KCNAB1: variants seen among roughly 807,000 people sequenced by gnomAD.
The protein encoded by KCNAB1 is potassium voltage-gated channel subfamily A regulatory beta subunit 1.
KCNAB1 carries 35 observed loss-of-function variants against 64.6 expected under a neutral mutation model. The observed-to-expected ratio is 0.54, with a 90% CI of 0.41 to 0.72. The LOEUF (loss-of-function observed/expected upper bound fraction) is 0.72. KCNAB1 is among the 30% of genes least tolerant of loss of function. The pLI, the probability that KCNAB1 is intolerant of heterozygous loss-of-function variation, is 0.00. For missense variants in KCNAB1, 401 were observed against 512.9 expected (o/e 0.78, Z 2.11); for synonymous variants, 177 against 183.8 (o/e 0.96, Z 0.30).
At chr3:156,322,157 G>A (rs1482802836) in intron 1 of KCNAB1, among the ~76,000 whole-genome samples, 1 of 152,152 alleles carries the variant, frequency 6.6e-6, no homozygotes, top group African/African-American at 2.4e-5. Context: ...AACACAAAGG[G>A]CAGATTCTCC....
chr3:156,502,532 CCACACACACACACACACACACACA>C (rs60469602), intron 8 of KCNAB1, among the ~76,000 whole-genome samples: 1 of 142,810 alleles, frequency 7.0e-6, no homozygotes, highest in African/African-American at 2.6e-5. Context: ...TACCTTACAA[CCACACACACACACACACACACACA>C]CACACACACA....
In KCNAB1 at chr3:156,537,051, A is replaced by C; in HGVS notation, c.*304A>C. On this transcript the variant is annotated 3_prime_UTR_variant, in exon 14 of 14. Transcript: ENST00000490337. ...GGCCAGGGGGTGTGGTACTACCTTC[A>C]GGCATTTGGTAACTCAAAGAAGGCT... The C allele has an allele frequency of 2.3e-6, 1 of 436,634 alleles. No homozygotes were observed. Among genetic ancestry groups the C allele is most frequent in the Non-Finnish European group, 4.0e-6 (1 of 249,110 alleles). The allele number at this position is 436,634 out of a possible 1,614,324, so 27.0% of individuals were successfully genotyped here. A position where few individuals can be genotyped will look rare whatever the true frequency, so the allele number is the denominator to read the frequency against.
At chr3:156,339,583 C>T (rs1431222216) in intron 1 of KCNAB1, among the ~76,000 whole-genome samples, 1 of 152,186 alleles carries the variant, frequency 6.6e-6, no homozygotes, top group Non-Finnish European at 1.5e-5. Context: ...CACAACTTTG[C>T]CTACTTCAAT....
chr3:156,339,922 G>C (rs569693974), intron 1 of KCNAB1, among the ~76,000 whole-genome samples: 1 of 152,140 alleles, frequency 6.6e-6, no homozygotes, highest in Non-Finnish European at 1.5e-5. Context: ...TCACATTTCC[G>C]TGTCTGTCCT....
At chr3:156,141,350 A>T (rs1714697319) in intron 1 of KCNAB1, among the ~76,000 whole-genome samples, 1 of 152,196 alleles carries the variant, frequency 6.6e-6, no homozygotes, top group Non-Finnish European at 1.5e-5. Flanking sequence ...AAGACACAAC[A>T]GTTCCATTAT....
intron 1 of KCNAB1, among the ~76,000 whole-genome samples, chr3:156,268,378 G>A (rs1718842606): frequency 6.6e-6 from 1 of 152,082 alleles, no homozygotes; most frequent in Non-Finnish European, 1.5e-5. Context: ...TTTCTTTTGT[G>A]TATATCCCTA....
intron 1 of KCNAB1, among the ~76,000 whole-genome samples, chr3:156,174,210 C>T (rs75522447): frequency 0.011 from 1,707 of 152,316 alleles, 18 homozygotes; most frequent in Middle Eastern, 0.02. Context: ...GGCTAGCCTT[C>T]TTATCTCCAG....
intron 1 of KCNAB1, among the ~76,000 whole-genome samples, chr3:156,170,205 C>T (rs1334973826): frequency 6.6e-6 from 1 of 151,830 alleles, no homozygotes; most frequent in Non-Finnish European, 1.5e-5. Context: ...TCATGGGTTT[C>T]CCTTCCCAAG....
chr3:156,222,170 C>A (rs1715812289), intron 1 of KCNAB1, among the ~76,000 whole-genome samples: 1 of 152,092 alleles, frequency 6.6e-6, no homozygotes, highest in Non-Finnish European at 1.5e-5. Context: ...AATTCTGCTA[C>A]CTTCAGTAGA....
intron 1 of KCNAB1, among the ~76,000 whole-genome samples, chr3:156,378,852 C>A (rs769169339): frequency 3.9e-5 from 6 of 152,114 alleles, no homozygotes; most frequent in Non-Finnish European, 7.3e-5. Context: ...CAACAGAAGC[C>A]AGGAGCAGGG....
rs530130169 is a variant in KCNAB1, at chr3:156,525,609, A to G, written c.1081+1662A>G. Among the ~76,000 whole-genome samples, 18 of 152,212 alleles carry G rather than the reference A, an allele frequency of 1.2e-4. 1 individual carries two copies. The highest frequency in any genetic ancestry group is 9.7e-4 in the East Asian group (5 of 5,164). ...CGGCTCACTGCAACCTCCGTCTCCC[A>G]GGTTCAAGCGATTCTCCTGCCTCAG... On this transcript the variant is annotated intron_variant, in intron 12 of 13. Coordinates refer to ENST00000490337, the MANE Select transcript of KCNAB1 (RefSeq NM_172160.3).
intron 1 of KCNAB1, among the ~76,000 whole-genome samples, chr3:156,366,626 G>T (rs909442426): frequency 6.6e-6 from 1 of 152,134 alleles, no homozygotes; most frequent in African/African-American, 2.4e-5. Context: ...ACCAAATCAG[G>T]AATTGAGAAT....
intron 1 of KCNAB1, among the ~76,000 whole-genome samples, chr3:156,241,655 C>A (rs1405399658): frequency 6.6e-6 from 1 of 152,176 alleles, no homozygotes; most frequent in Non-Finnish European, 1.5e-5. Flanking sequence ...TGTGGTGCTG[C>A]TCTTCTAGCA....
At chr3:156,450,449 G>A (rs1711908043) in intron 2 of KCNAB1, among the ~76,000 whole-genome samples, 1 of 152,078 alleles carries the variant, frequency 6.6e-6, no homozygotes, top group Non-Finnish European at 1.5e-5. Flanking sequence ...GTTCTCATTT[G>A]CTGCAAGAGA....
chr3:156,393,456 G>A (rs1331520212), intron 1 of KCNAB1, among the ~76,000 whole-genome samples: 1 of 152,080 alleles, frequency 6.6e-6, no homozygotes, highest in Non-Finnish European at 1.5e-5. Flanking sequence ...CACTTCTTCT[G>A]TATACCCTTC....
At chr3:156,390,098 G>A (rs1425363656) in intron 1 of KCNAB1, among the ~76,000 whole-genome samples, 3 of 152,172 alleles carry the variant, frequency 2.0e-5, no homozygotes, top group Non-Finnish European at 4.4e-5. Flanking sequence ...AGGGGGAACT[G>A]GGCACTTGCA....
chr3:156,289,313 A>G (rs1050921167), intron 1 of KCNAB1, among the ~76,000 whole-genome samples: 4 of 152,210 alleles, frequency 2.6e-5, no homozygotes, highest in Non-Finnish European at 4.4e-5. Context: ...TGACCCCTCT[A>G]GACGGATGAT....
intron 1 of KCNAB1, among the ~76,000 whole-genome samples, chr3:156,405,922 G>A (rs1714216326): frequency 6.6e-6 from 1 of 152,004 alleles, no homozygotes; most frequent in Non-Finnish European, 1.5e-5. Flanking sequence ...ATTATTAAAA[G>A]TAGAATTATC....
At chr3:156,166,530 TACACAC>T (rs57754528) in intron 1 of KCNAB1, among the ~76,000 whole-genome samples, 2 of 148,806 alleles carry the variant, frequency 1.3e-5, no homozygotes, top group African/African-American at 4.9e-5. Context: ...AATACATATA[TACACAC>T]ACACACACAC....
Sources: allele counts gnomAD v4.1 joint callset (sites outside exome capture counted in the v4.1 genomes callset), GRCh38; gene constraint gnomAD v4.1.1; transcripts MANE v1.5; gene names NCBI Gene and HGNC (gene_info 2026-07-23, HGNC 2026-07-21).